The following AHI1 variants were observed in gnomAD, a reference collection of about 807,000 sequenced individuals.
AHI1 encodes jouberin.
AHI1 carries 123 observed loss-of-function variants against 149.3 expected under a neutral mutation model. The ratio of observed to expected loss-of-function variants is 0.82; its 90% CI spans 0.71 to 0.96. AHI1 has a LOEUF of 0.96. Among genes scored for constraint, AHI1 ranks in the 40% least tolerant of loss-of-function variants. The pLI is 0.00. For synonymous variants in AHI1, 475 were observed against 459.8 expected (o/e 1.03, Z -0.42); for missense variants, 1,439 against 1,422.7 (o/e 1.01, Z -0.18).
At chr6:135,448,496 A>G in intron 11 of AHI1, 21 bp from the exon 12 acceptor site, 3 of 1,431,494 alleles carry the variant, frequency 2.1e-6, no homozygotes, top group Non-Finnish European at 2.8e-6. Context: ...GAATTCATAT[A>G]AAATGTTACC....
At chr6:135,343,536 C>A (rs901012696) in intron 24 of AHI1, among the ~76,000 whole-genome samples, 1 of 151,296 alleles carries the variant, frequency 6.6e-6, no homozygotes, top group Non-Finnish European at 1.5e-5. Flanking sequence ...ATAGAATAGG[C>A]GTGTGTATGG....
chr6:135,306,732 T>C (rs1243468344), intron 26 of AHI1: 1 of 151,912 alleles, frequency 6.6e-6, no homozygotes, highest in Non-Finnish European at 1.5e-5. Flanking sequence ...CAACTAAATG[T>C]CCCCCCACCA....
Position 135,357,550 on chromosome 6 carries a change from T to C in AHI1, c.3165+582A>G, listed in dbSNP as rs374073533. Among the ~76,000 whole-genome samples the C allele has an allele frequency of 7.9e-5, 12 of 152,336 alleles. 1 individual carries two copies. The highest frequency in any genetic ancestry group is 1.9e-4 in the East Asian group (1 of 5,184). On this transcript the variant is annotated intron_variant, in intron 24 of 28. Coordinates refer to ENST00000265602, the MANE Select transcript of AHI1 (RefSeq NM_001134831.2). ...TCACAGGAAGTACTTGGAAGACTTATGAATGCAAAGGATAAGAAATAAGAG... is the reference window on the plus strand; with the variant it reads ...TCACAGGAAGTACTTGGAAGACTTACGAATGCAAAGGATAAGAAATAAGAG...
intron 24 of AHI1, among the ~76,000 whole-genome samples, chr6:135,340,515 C>A (rs977785396): frequency 3.3e-5 from 5 of 151,126 alleles, no homozygotes; most frequent in Non-Finnish European, 7.4e-5. Flanking sequence ...TGCTTGTGGA[C>A]CTGCCCTTCA....
At chr6:135,494,437 C>T in intron 3 of AHI1, among the ~76,000 whole-genome samples, 1 of 152,210 alleles carries the variant, frequency 6.6e-6, no homozygotes, top group East Asian at 1.9e-4. Context: ...TTTTCAGATC[C>T]TTGGATCCAA....
At chr6:135,315,833 C>T (rs1392342292) in intron 26 of AHI1, among the ~76,000 whole-genome samples, 1 of 152,164 alleles carries the variant, frequency 6.6e-6, no homozygotes, top group African/African-American at 2.4e-5. Context: ...TTTTGGAGAA[C>T]ATAAAAATAT....
At position 135,283,557 on chromosome 6, in the gene AHI1, C is replaced by T. The variant is rs759804456; in HGVS notation, c.*2088G>A. The T allele has an allele frequency of 2.0e-5, 3 of 152,032 alleles. No homozygotes were observed. Among genetic ancestry groups the T allele is most frequent in the East Asian group, 1.9e-4 (1 of 5,190 alleles). 9.4% of individuals were successfully genotyped at this position (152,032 alleles called of 1,614,324 possible). On this transcript the variant is annotated 3_prime_UTR_variant, in exon 29 of 29. Transcript: ENST00000265602. Reference sequence around the variant, plus strand: ...TTTGTTATAAGGAAATGTTTAATGCCGTACATCATCAAATGGATTCTGGTG... The same window carrying T: ...TTTGTTATAAGGAAATGTTTAATGCTGTACATCATCAAATGGATTCTGGTG...
At chr6:135,389,113 A>C (rs577451270) in intron 23 of AHI1, among the ~76,000 whole-genome samples, 1 of 151,992 alleles carries the variant, frequency 6.6e-6, no homozygotes, top group African/African-American at 2.4e-5. Context: ...TATCGAGACC[A>C]TCCTGGCTAA....
Position 135,427,163 on chromosome 6 carries a change from T to A in AHI1, c.2764+4A>T. 1 of 1,608,702 alleles carries A rather than the reference T, an allele frequency of 6.2e-7. No individual in the cohort carries two copies. Among genetic ancestry groups the A allele is most frequent in the Non-Finnish European group, 8.5e-7 (1 of 1,176,680 alleles). ...ATTCTTTACTTATCAAGTGGTAGAC[T>A]TACCATGGAAATCGTAAATATACAG... On this transcript the variant is annotated splice_donor_region_variant and intron_variant, in intron 20 of 28. Transcript: ENST00000265602.
At chr6:135,363,376 G>C (rs1056861627) in intron 23 of AHI1, among the ~76,000 whole-genome samples, 2 of 152,090 alleles carry the variant, frequency 1.3e-5, no homozygotes, top group African/African-American at 4.8e-5. Context: ...TAAGGTCACC[G>C]ATCAACAGGA....
In AHI1 at chr6:135,285,461, C is replaced by G. The variant is rs1296314850; in HGVS notation, c.*184G>C. 7.6e-6 allele frequency: 5 copies of G among 661,200 alleles called. No homozygotes were observed. Among genetic ancestry groups the G allele is most frequent in the Non-Finnish European group, 1.3e-5 (5 of 375,996 alleles). The allele number at this position is 661,200 out of a possible 1,614,324, so 41.0% of individuals were successfully genotyped here. On this transcript the variant is annotated 3_prime_UTR_variant, in exon 29 of 29. Coordinates refer to ENST00000265602, the MANE Select transcript of AHI1 (RefSeq NM_001134831.2). Reference sequence around the variant, plus strand: ...GTTTATAACAACTGAACTCAAAGGCCACGTTGATTTTTCCACCCACAACTT... The same window carrying G: ...GTTTATAACAACTGAACTCAAAGGCGACGTTGATTTTTCCACCCACAACTT...
At chr6:135,374,101 TA>T (rs1775500185) in intron 23 of AHI1, among the ~76,000 whole-genome samples, 1 of 21,836 alleles carries the variant, frequency 4.6e-5, no homozygotes, top group South Asian at 1.4e-3. Context: ...TATATATATA[TA>T]TATATATTTT....
chr6:135,471,281 A>G (rs1424456217), intron 5 of AHI1, among the ~76,000 whole-genome samples: 1 of 152,172 alleles, frequency 6.6e-6, no homozygotes, highest in Non-Finnish European at 1.5e-5. Context: ...TAATTTTATG[A>G]CTTTATTATT....
chr6:135,328,669 T>G (rs1016091682), intron 24 of AHI1, among the ~76,000 whole-genome samples: 1 of 152,060 alleles, frequency 6.6e-6, no homozygotes, highest in Non-Finnish European at 1.5e-5. Context: ...AACTCTATAA[T>G]GGCCCCTAAG....
intron 5 of AHI1, among the ~76,000 whole-genome samples, chr6:135,476,451 G>A (rs1409306147): frequency 1.3e-5 from 2 of 151,668 alleles, no homozygotes; most frequent in African/African-American, 4.8e-5. Flanking sequence ...AGAAAACAAT[G>A]AGTATTCTGT....
intron 23 of AHI1, among the ~76,000 whole-genome samples, chr6:135,378,120 T>G (rs562373361): frequency 6.6e-6 from 1 of 152,302 alleles, no homozygotes; most frequent in East Asian, 1.9e-4. Flanking sequence ...GCCCTGACTC[T>G]GGGGCCATTC....
chr6:135,437,304 A>G (rs927241307), intron 15 of AHI1, among the ~76,000 whole-genome samples: 11 of 152,238 alleles, frequency 7.2e-5, no homozygotes, highest in Admixed American at 7.2e-4. Flanking sequence ...GGTGACATTA[A>G]GACTTACAAA....
chr6:135,497,542 G>A lies in AHI1; in HGVS notation c.-202+41C>T, dbSNP rs6570012. 741 of 153,322 alleles carry A rather than the reference G, an allele frequency of 4.8e-3. 22 individuals carry two copies. Among genetic ancestry groups the A allele is most frequent in the East Asian group, 7.9e-3 (41 of 5,190 alleles). 9.5% of individuals were successfully genotyped at this position (153,322 alleles called of 1,614,324 possible). A position where few individuals can be genotyped will look rare whatever the true frequency, so the allele number is the denominator to read the frequency against. ...GAGGGCCGGGCAGGCCGAGCACCCC[G>A]GCCCGCGCTCCCGCCACCAGCGCAC... On this transcript the variant is annotated intron_variant, in intron 1 of 28. Transcript: ENST00000265602.
intron 26 of AHI1, 160 bp from the exon 27 acceptor site, chr6:135,300,718 C>G (rs1420897039): frequency 1.5e-6 from 2 of 1,297,646 alleles, no homozygotes; most frequent in African/African-American, 1.5e-5. Flanking sequence ...TATTGTCTAT[C>G]AGGACAATAT....
Sources: allele counts gnomAD v4.1 joint callset (sites outside exome capture counted in the v4.1 genomes callset), GRCh38; gene constraint gnomAD v4.1.1; transcripts MANE v1.5; gene names NCBI Gene and HGNC (gene_info 2026-07-23, HGNC 2026-07-21).